The following ZHX3 variants were observed in gnomAD, a reference collection of about 807,000 sequenced individuals.
ZHX3 encodes the protein zinc fingers and homeoboxes 3, also known as zinc fingers and homeoboxes protein 3.
Under a neutral mutation model 64.5 loss-of-function variants are expected in ZHX3, and 20 were observed. The observed-to-expected ratio is 0.31, with a 90% confidence interval of 0.22 to 0.45. The LOEUF (loss-of-function observed/expected upper bound fraction) is 0.45. Ranked by LOEUF, ZHX3 falls within the 20% of genes least tolerant of loss-of-function variation. ZHX3 has a pLI of 1.00. For missense variants in ZHX3, 1,041 were observed against 1,195.8 expected (o/e 0.87, Z 1.91); for synonymous variants, 423 against 461.6 (o/e 0.92, Z 1.07).
rs915794042 is a variant in ZHX3 at position 41,224,795 on chromosome 20, T to A, written c.-150-19729A>T. Among the ~76,000 whole-genome samples the A allele has an allele frequency of 6.6e-6, 1 of 152,274 alleles. No individual in the cohort carries two copies. The highest frequency in any genetic ancestry group is 2.4e-5 in the African/African-American group (1 of 41,480). On this transcript the variant is annotated intron_variant, in intron 2 of 3. Transcript: ENST00000683867. This position sits in a 1 kb window ranked among gnomAD's most constrained non-coding sequence, Gnocchi z 5.2. ...GAAATCTACCTTCTTAAGAAAGGAA[T>A]GTTAGACTTTCTCTGAACATCCTAT...
intron 1 of ZHX3, among the ~76,000 whole-genome samples, chr20:41,314,917 A>G (rs1361816877): frequency 1.3e-5 from 2 of 152,224 alleles, no homozygotes; most frequent in Non-Finnish European, 2.9e-5. Context: ...CCCTGAGGAT[A>G]TATCGGTGAA....
intron 2 of ZHX3, chr20:41,254,644 T>C (rs544601176): frequency 5.9e-5 from 9 of 152,334 alleles, no homozygotes; most frequent in East Asian, 1.9e-4. Flanking sequence ...ATCTGTAAAA[T>C]AGGAATAATA....
intron 2 of ZHX3, among the ~76,000 whole-genome samples, chr20:41,221,559 A>G (rs1466682808): frequency 6.6e-6 from 1 of 152,216 alleles, no homozygotes; most frequent in African/African-American, 2.4e-5. Context: ...TTTACATTCT[A>G]GTTTGGGGGA....
At chr20:41,277,557 C>G (rs2043443743) in intron 1 of ZHX3, among the ~76,000 whole-genome samples, 1 of 151,830 alleles carries the variant, frequency 6.6e-6, no homozygotes, top group Admixed American at 6.6e-5. Context: ...AGAGAATTCT[C>G]TCAAATTTCT....
chr20:41,232,818 C>T lies in ZHX3; in HGVS notation c.-150-27752G>A, dbSNP rs1192932889. On this transcript the variant is annotated intron_variant, in intron 2 of 3. Coordinates refer to ENST00000683867, the MANE Select transcript of ZHX3 (RefSeq NM_001384317.1). This position sits in a 1 kb window ranked among gnomAD's most constrained non-coding sequence, Gnocchi z 5.0. ...GCCAGGATAGTCTCGATCTCCTGAC[C>T]TCGTGATCCCCCCGCCTCGGCCTCC... is the stretch of plus-strand genomic sequence containing the variant. Among the ~76,000 whole-genome samples the T allele has an allele frequency of 6.6e-6, 1 of 152,064 alleles. No homozygotes were observed. Among genetic ancestry groups the T allele is most frequent in the Non-Finnish European group, 1.5e-5 (1 of 68,000 alleles).
rs75344516 is a variant in ZHX3, at chr20:41,218,721, T to A, written c.-150-13655A>T. Among the ~76,000 whole-genome samples the A allele has an allele frequency of 4.2e-3, 647 of 152,266 alleles. 7 individuals are homozygous for A. Among genetic ancestry groups the A allele is most frequent in the East Asian group, 0.021 (107 of 5,176 alleles). ...TAAGTGGATGTGCTGGTTGCAATTG[T>A]CAGATTTCTGCTGAAAACAAAAAAG... On this transcript the variant is annotated intron_variant, in intron 2 of 3. Transcript: ENST00000683867.
intron 2 of ZHX3, among the ~76,000 whole-genome samples, chr20:41,262,695 T>A (rs950857880): frequency 6.6e-6 from 1 of 152,224 alleles, no homozygotes; most frequent in Non-Finnish European, 1.5e-5. Context: ...CAGCTCAGGA[T>A]CTGTTGGCTC....
chr20:41,203,219 G>T lies in ZHX3; in HGVS notation c.1698C>A (p.Ile566=). Residue 566 remains isoleucine, a synonymous_variant, in exon 3 of 4, where the codon ATC becomes ATA. Transcript: ENST00000683867. This position sits in a 1 kb window ranked among gnomAD's most constrained non-coding sequence, Gnocchi z 7.1. ...ACACCTCTGGCACAGAGTCAATGAT[G>T]ATGGAACTGTGATCTCCAGGTATCA... ...RAMIPGDHSS[I]IIDSVPEVSF... 1 of 1,614,186 alleles carries T rather than the reference G, an allele frequency of 6.2e-7. No individual in the cohort carries two copies. The highest frequency in any genetic ancestry group is 8.5e-7 in the Non-Finnish European group (1 of 1,180,042).
At position 41,217,515 on chromosome 20, in the gene ZHX3, C is replaced by G. The variant is rs182881381; in HGVS notation, c.-150-12449G>C. Among the ~76,000 whole-genome samples the G allele has an allele frequency of 2.0e-5, 3 of 152,240 alleles. No individual in the cohort carries two copies. The East Asian group carries it at 5.8e-4, about 29-fold the overall frequency. On this transcript the variant is annotated intron_variant, in intron 2 of 3. Coordinates refer to ENST00000683867, the MANE Select transcript of ZHX3 (RefSeq NM_001384317.1). ...AAAACATTCTGTTTTAAATGTTTCTCTCTTCCCTTCCTTTGGAAAATGCTG... is the reference window on the plus strand; with the variant it reads ...AAAACATTCTGTTTTAAATGTTTCTGTCTTCCCTTCCTTTGGAAAATGCTG...
At chr20:41,296,210 C>T (rs1346978823) in intron 1 of ZHX3, among the ~76,000 whole-genome samples, 1 of 131,844 alleles carries the variant, frequency 7.6e-6, no homozygotes, top group Non-Finnish European at 1.6e-5. Flanking sequence ...TCTTCTTTTC[C>T]CTTCTCCTCA....
intron 3 of ZHX3, among the ~76,000 whole-genome samples, chr20:41,186,919 G>A (rs1191663421): frequency 6.6e-6 from 1 of 152,024 alleles, no homozygotes; most frequent in African/African-American, 2.4e-5. Context: ...CATTCTGTGG[G>A]TTCTTTCATT....
intron 2 of ZHX3, among the ~76,000 whole-genome samples, chr20:41,248,738 C>G (rs1255975426): frequency 1.3e-5 from 2 of 152,302 alleles, no homozygotes; most frequent in East Asian, 3.9e-4. Context: ...ATCGCTTTTG[C>G]AGTGTTTGAC....
intron 3 of ZHX3, among the ~76,000 whole-genome samples, chr20:41,193,342 G>A (rs774561862): frequency 5.3e-5 from 8 of 152,120 alleles, no homozygotes; most frequent in African/African-American, 9.7e-5. Context: ...GCAACATTTT[G>A]TTGTTTTCAA....
At position 41,184,276 on chromosome 20, in the gene ZHX3, CT is replaced by C. The variant is rs2036351600; in HGVS notation, c.*914del. On this transcript the variant is annotated 3_prime_UTR_variant, in exon 4 of 4. Coordinates refer to ENST00000683867, the MANE Select transcript of ZHX3 (RefSeq NM_001384317.1). ...TTCAGGCTGTGGCTATAGATTTCCA[CT>C]TACGTCCCTACCCCATGTCTTTTTT... is the stretch of plus-strand genomic sequence containing the variant. 3 of 152,358 alleles carry C rather than the reference CT, an allele frequency of 2.0e-5. No individual in the cohort carries two copies. Among genetic ancestry groups the C allele is most frequent in the African/African-American group, 7.2e-5 (3 of 41,444 alleles). The allele number at this position is 152,358 out of a possible 1,614,324, so 9.4% of individuals were successfully genotyped here. A position where few individuals can be genotyped will look rare whatever the true frequency, so the allele number is the denominator to read the frequency against.
rs190775661 is a variant in ZHX3, at chr20:41,313,683, C to T, written c.-245+3826G>A. Among the ~76,000 whole-genome samples the T allele has an allele frequency of 3.2e-3, 486 of 150,784 alleles. 1 individual carries two copies. Among genetic ancestry groups the T allele is most frequent in the African/African-American group, 0.011 (454 of 41,042 alleles). On this transcript the variant is annotated intron_variant, in intron 1 of 3. Coordinates refer to ENST00000683867, the MANE Select transcript of ZHX3 (RefSeq NM_001384317.1). ...CGAGATCTCAGCTCACTGCAGGCTC[C>T]GCCTCCTGGGTTCACGCCATTCTCC...
At chr20:41,277,224 G>A (rs1285160590) in intron 1 of ZHX3, among the ~76,000 whole-genome samples, 3 of 152,190 alleles carry the variant, frequency 2.0e-5, no homozygotes, top group Admixed American at 6.5e-5. Flanking sequence ...AGTTGCTTGG[G>A]AGGCTGAAGC....
chr20:41,248,025 C>A (rs1007235954), intron 2 of ZHX3, among the ~76,000 whole-genome samples: 5 of 152,202 alleles, frequency 3.3e-5, no homozygotes, highest in Admixed American at 3.3e-4. Flanking sequence ...CAGGTCCCTG[C>A]GCCTCTCCAG....
At chr20:41,263,619 G>A (rs377326618) in intron 2 of ZHX3, among the ~76,000 whole-genome samples, 1 of 151,978 alleles carries the variant, frequency 6.6e-6, no homozygotes. Flanking sequence ...GGCTGGTCAC[G>A]AACTCCTGAG....
At chr20:41,317,070 GGCGGCTCTCGGGTGCACAC>G (rs1204206386) in intron 1 of ZHX3, 1 of 152,456 alleles carries the variant, frequency 6.6e-6, no homozygotes, top group Non-Finnish European at 1.5e-5. Flanking sequence ...CGTGGACGCA[GGCGGCTCTCGGGTGCACAC>G]GCGGAACGCA....
Sources: gnomAD v4.1 joint callset for allele counts (sites outside exome capture counted in the v4.1 genomes callset) on GRCh38, gnomAD v4.1.1 for gene constraint, Gnocchi (gnomAD v3.1) non-coding constraint, MANE v1.5 for transcripts, NCBI Gene and HGNC (gene_info 2026-07-23, HGNC 2026-07-21) for gene names.